MED27: variants seen among roughly 807,000 people sequenced by gnomAD.
The protein encoded by MED27 is mediator of RNA polymerase II transcription subunit 27.
Under a neutral mutation model 38.2 loss-of-function variants are expected in MED27, and 30 were observed. That is an observed-to-expected ratio of 0.79 (90% CI 0.59 to 1.07). MED27 has a LOEUF of 1.07. Ranked by LOEUF, MED27 falls within the 50% of genes least tolerant of loss-of-function variation. MED27 has a pLI of 0.00. For missense variants in MED27, 289 were observed against 397.5 expected, an observed-to-expected ratio of 0.73 and a Z score of 2.32; for synonymous variants, 122 against 153.5, an observed-to-expected ratio of 0.79 and a Z score of 1.52.
intron 3 of MED27, among the ~76,000 whole-genome samples, chr9:131,953,601 ATTAT>A (rs1280709838): frequency 6.6e-6 from 1 of 152,012 alleles, no homozygotes; most frequent in African/African-American, 2.4e-5. Flanking sequence ...TTAAAATTAC[ATTAT>A]TTAAGAATAT....
At chr9:131,985,741 T>C (rs1320623804) in intron 3 of MED27, among the ~76,000 whole-genome samples, 1 of 152,106 alleles carries the variant, frequency 6.6e-6, no homozygotes, top group African/African-American at 2.4e-5. Flanking sequence ...TTAAAAACAG[T>C]TGACTGTAAA....
At chr9:131,932,624 A>G (rs558430256) in intron 4 of MED27, among the ~76,000 whole-genome samples, 1 of 152,204 alleles carries the variant, frequency 6.6e-6, no homozygotes, top group African/African-American at 2.4e-5. Context: ...GCAGTAATAA[A>G]AAAGTCTCCC....
intron 3 of MED27, among the ~76,000 whole-genome samples, chr9:131,998,567 T>C (rs899621109): frequency 5.3e-5 from 8 of 152,208 alleles, no homozygotes; most frequent in Non-Finnish European, 8.8e-5. Flanking sequence ...AGAGGTTCCT[T>C]AGGGGTGACG....
intron 3 of MED27, among the ~76,000 whole-genome samples, chr9:131,941,455 T>C (rs968761414): frequency 6.6e-6 from 1 of 152,182 alleles, no homozygotes; most frequent in African/African-American, 2.4e-5. Context: ...ACCTATTCTC[T>C]AAGGAAAGCC....
At chr9:132,021,187 AT>A (rs1726570211) in intron 2 of MED27, among the ~76,000 whole-genome samples, 1 of 152,194 alleles carries the variant, frequency 6.6e-6, no homozygotes, top group Non-Finnish European at 1.5e-5. Flanking sequence ...TTTCTTAAAT[AT>A]CTGTAATGGT....
chr9:131,921,474 G>C (rs962282151), intron 4 of MED27, among the ~76,000 whole-genome samples: 2 of 148,738 alleles, frequency 1.3e-5, no homozygotes, highest in African/African-American at 2.5e-5. Flanking sequence ...ACCACAATGA[G>C]ATACCATCTC....
chr9:132,072,634 A>C (rs920923291), intron 2 of MED27, among the ~76,000 whole-genome samples: 10 of 152,094 alleles, frequency 6.6e-5, no homozygotes, highest in Non-Finnish European at 1.3e-4. Flanking sequence ...AGCCAAACTC[A>C]CTACGCTAGC....
intron 2 of MED27, among the ~76,000 whole-genome samples, chr9:132,053,913 A>T (rs1267014300): frequency 2.0e-5 from 3 of 151,870 alleles, no homozygotes; most frequent in Non-Finnish European, 4.4e-5. Context: ...AATATATATA[A>T]ATTATATATA....
chr9:132,034,030 C>A (rs1274847463), intron 2 of MED27, among the ~76,000 whole-genome samples: 1 of 152,072 alleles, frequency 6.6e-6, no homozygotes, highest in African/African-American at 2.4e-5. Context: ...TATAACAGTG[C>A]CAATCTCAGA....
chr9:131,971,571 A>G (rs1467470038), intron 3 of MED27, among the ~76,000 whole-genome samples: 1 of 152,230 alleles, frequency 6.6e-6, no homozygotes, highest in Non-Finnish European at 1.5e-5. Flanking sequence ...GAGTAGAAGC[A>G]GAGTCCAGTG....
chr9:131,950,624 C>A (rs535574466), intron 3 of MED27, among the ~76,000 whole-genome samples: 32 of 152,250 alleles, frequency 2.1e-4, no homozygotes, highest in African/African-American at 7.7e-4. Flanking sequence ...TAGTCATAAC[C>A]ATACATTAAA....
chr9:131,927,770 A>G (rs7037826), intron 4 of MED27, among the ~76,000 whole-genome samples: 5,120 of 152,256 alleles, frequency 0.034, 306 homozygotes, highest in African/African-American at 0.12. Flanking sequence ...AAAAGTGCCA[A>G]TTTGGTAGTC....
At chr9:131,939,954 T>A (rs1411058389) in intron 3 of MED27, among the ~76,000 whole-genome samples, 2 of 150,884 alleles carry the variant, frequency 1.3e-5, no homozygotes, top group Non-Finnish European at 3.0e-5. Context: ...TCACCTAGGC[T>A]GGAGTGCAGT....
intron 3 of MED27, among the ~76,000 whole-genome samples, chr9:131,986,999 A>ATTTTTTTTTTTTTTTTTTTTTT (rs66519112): frequency 2.2e-5 from 1 of 46,254 alleles, no homozygotes; most frequent in African/African-American, 8.7e-5. Context: ...GAGTTCATGG[A>ATTTTTTTTTTTTTTTTTTTTTT]TTTTTTTTTT....
rs372636372 is a variant in MED27 at position 132,021,826 on chromosome 9, G to T, written c.349-7359C>A. ...CCTTATAGGAAGAGGAAGAGGAAGA[G>T]ATCAGATTTCTCTCTCTCCACCATG... On this transcript the variant is annotated intron_variant, in intron 2 of 7. Coordinates refer to ENST00000292035, the MANE Select transcript of MED27 (RefSeq NM_004269.4). 2.0e-5 allele frequency among the ~76,000 whole-genome samples: 3 copies of T among 151,958 alleles called. No individual in the cohort carries two copies. In the East Asian group the frequency reaches 5.8e-4, roughly 29 times the overall value.
chr9:131,923,717 C>T (rs536908126), intron 4 of MED27, among the ~76,000 whole-genome samples: 15 of 152,262 alleles, frequency 9.9e-5, no homozygotes, highest in African/African-American at 3.1e-4. Context: ...CTCTATTCCC[C>T]GCTCCTCACC....
chr9:131,946,966 T>G (rs1489245346), intron 3 of MED27, among the ~76,000 whole-genome samples: 1 of 152,166 alleles, frequency 6.6e-6, no homozygotes. Flanking sequence ...CCTTTGTCAT[T>G]AAATAATTTT....
chr9:131,860,835 C>A lies in MED27; in HGVS notation c.802-163G>T, dbSNP rs565928108. 4.6e-5 allele frequency among the ~76,000 whole-genome samples: 7 copies of A among 152,194 alleles called. No homozygotes were observed. In the South Asian group the frequency reaches 1.4e-3, roughly 31 times the overall value. On this transcript the variant is annotated intron_variant, in intron 7 of 7. Coordinates refer to ENST00000292035, the MANE Select transcript of MED27 (RefSeq NM_004269.4). The surrounding 1 kb of genome is among the most constrained non-coding windows in gnomAD (Gnocchi z 5.8). Reference sequence around the variant, plus strand: ...CAGCAGGCGGAACCCACAAGGTCACCTGACTGCTGATGTTCACGTCTGATG... The same window carrying A: ...CAGCAGGCGGAACCCACAAGGTCACATGACTGCTGATGTTCACGTCTGATG...
At chr9:132,071,516 G>A (rs1248509802) in intron 2 of MED27, among the ~76,000 whole-genome samples, 1 of 151,270 alleles carries the variant, frequency 6.6e-6, no homozygotes, top group Non-Finnish European at 1.5e-5. Flanking sequence ...CACTCCATGA[G>A]CACACACACA....
Sources: allele counts gnomAD v4.1 joint callset (sites outside exome capture counted in the v4.1 genomes callset), GRCh38; gene constraint gnomAD v4.1.1; non-coding constraint Gnocchi (gnomAD v3.1); transcripts MANE v1.5; gene names NCBI Gene and HGNC (gene_info 2026-07-23, HGNC 2026-07-21).